ITPR1: variants seen among roughly 807,000 people sequenced by gnomAD.
The protein encoded by ITPR1 is inositol 1,4,5-trisphosphate-gated calcium channel ITPR1.
In ITPR1, 96 loss-of-function variants were observed where a neutral mutation model predicts 318.4. The ratio of observed to expected loss-of-function variants is 0.30; its 90% CI spans 0.26 to 0.36. The LOEUF is 0.36. ITPR1 is among the 10% of genes least tolerant of loss of function. ITPR1 has a pLI of 1.00. For missense variants in ITPR1, 2,440 were observed against 3,460.2 expected, an observed-to-expected ratio of 0.71 and a Z score of 7.40; for synonymous variants, 1,312 against 1,289.9, an observed-to-expected ratio of 1.02 and a Z score of -0.37.
intron 47 of ITPR1, 128 bp downstream of exon 47, chr3:4,775,570 C>G: frequency 3.0e-6 from 2 of 676,142 alleles, no homozygotes; most frequent in Non-Finnish European, 5.1e-6. Context: ...AGGAGGCTGT[C>G]TTCCAGCAGT....
chr3:4,730,636 T>C (rs2042862924), intron 42 of ITPR1, among the ~76,000 whole-genome samples: 1 of 152,060 alleles, frequency 6.6e-6, no homozygotes, highest in Non-Finnish European at 1.5e-5. Context: ...TACCTCCTGC[T>C]TGCTTGATTG....
At chr3:4,607,720 T>C (rs1433142088) in intron 4 of ITPR1, among the ~76,000 whole-genome samples, 2 of 152,030 alleles carry the variant, frequency 1.3e-5, no homozygotes, top group Admixed American at 6.6e-5. Context: ...AATGGTCCTC[T>C]GGTGCGCTGA....
intron 37 of ITPR1, among the ~76,000 whole-genome samples, chr3:4,708,917 A>G (rs190959655): frequency 5.6e-4 from 85 of 152,362 alleles, no homozygotes; most frequent in Middle Eastern, 3.4e-3. Context: ...TTGCTTTGCC[A>G]TCTTTGTTGA....
chr3:4,608,101 T>A, intron 4 of ITPR1, among the ~76,000 whole-genome samples: 1 of 152,138 alleles, frequency 6.6e-6, no homozygotes, highest in East Asian at 1.9e-4. Flanking sequence ...GTTTGAAGGT[T>A]AACGGGAAGA....
intron 4 of ITPR1, among the ~76,000 whole-genome samples, chr3:4,613,402 C>A (rs1467791665): frequency 3.9e-5 from 6 of 152,106 alleles, no homozygotes; most frequent in African/African-American, 1.4e-4. Flanking sequence ...TTGACTTTTC[C>A]CTTTAGCTTA....
At chr3:4,682,579 G>A (rs990945320) in intron 26 of ITPR1, among the ~76,000 whole-genome samples, 6 of 152,174 alleles carry the variant, frequency 3.9e-5, no homozygotes. Flanking sequence ...TATGATGGAA[G>A]ATGTTTTTCT....
intron 4 of ITPR1, among the ~76,000 whole-genome samples, chr3:4,563,262 C>T (rs2086865526): frequency 6.6e-6 from 1 of 152,120 alleles, no homozygotes; most frequent in Middle Eastern, 3.2e-3. Flanking sequence ...AATCCCAGCA[C>T]TTCAAAAGGC....
chr3:4,622,327 A>C (rs1417620876), intron 4 of ITPR1, among the ~76,000 whole-genome samples: 24 of 149,146 alleles, frequency 1.6e-4, no homozygotes, highest in East Asian at 6.0e-4. Context: ...GTTGGCCAGG[A>C]TGGTCTCGAT....
chr3:4,838,398 G>T (rs1014560517), intron 61 of ITPR1, among the ~76,000 whole-genome samples: 1 of 151,798 alleles, frequency 6.6e-6, no homozygotes, highest in Non-Finnish European at 1.5e-5. Context: ...GACATTGGTG[G>T]CTACAGCTGC....
At chr3:4,732,542 C>G (rs2042998851) in intron 42 of ITPR1, among the ~76,000 whole-genome samples, 1 of 152,082 alleles carries the variant, frequency 6.6e-6, no homozygotes, top group Admixed American at 6.5e-5. Flanking sequence ...TTTCCTATAG[C>G]ATTATGAGGT....
At chr3:4,731,912 A>G (rs1257616970) in intron 42 of ITPR1, among the ~76,000 whole-genome samples, 1 of 152,238 alleles carries the variant, frequency 6.6e-6, no homozygotes, top group African/African-American at 2.4e-5. Flanking sequence ...TCTCTTCAAA[A>G]GAACTCTGGA....
At chr3:4,547,185 ATAAACT>A (rs2085107349) in intron 4 of ITPR1, among the ~76,000 whole-genome samples, 1 of 152,228 alleles carries the variant, frequency 6.6e-6, no homozygotes, top group South Asian at 2.1e-4. Context: ...CACGTCCCTG[ATAAACT>A]TTAATTTCTC....
chr3:4,661,146 CT>C, intron 14 of ITPR1, 59 bp downstream of exon 14: 1 of 968,474 alleles, frequency 1.0e-6, no homozygotes, highest in African/African-American at 1.6e-5. Context: ...GAAAGGGCTC[CT>C]TTGAGGACAG....
chr3:4,644,293 G>A, intron 8 of ITPR1, 59 bp downstream of exon 8: 1 of 1,174,240 alleles, frequency 8.5e-7, no homozygotes, highest in Non-Finnish European at 1.2e-6. Flanking sequence ...GGTCTGGCAG[G>A]CGCCAGTGCA....
chr3:4,602,473 A>G (rs2125084619), intron 4 of ITPR1, among the ~76,000 whole-genome samples: 1 of 147,696 alleles, frequency 6.8e-6, no homozygotes, highest in African/African-American at 2.5e-5. Flanking sequence ...GGCTGCAGTG[A>G]GCTGACATTG....
At chr3:4,823,229 A>G (rs1486830396) in intron 60 of ITPR1, among the ~76,000 whole-genome samples, 1 of 152,204 alleles carries the variant, frequency 6.6e-6, no homozygotes, top group African/African-American at 2.4e-5. Context: ...CAGTTAAAAG[A>G]CCAAATATTT....
intron 5 of ITPR1, among the ~76,000 whole-genome samples, chr3:4,634,739 G>A (rs2093127517): frequency 6.6e-6 from 1 of 152,078 alleles, no homozygotes; most frequent in Non-Finnish European, 1.5e-5. Context: ...ACATTTTAAA[G>A]TATCAACAGG....
intron 24 of ITPR1, among the ~76,000 whole-genome samples, chr3:4,679,471 C>A (rs1360262291): frequency 1.3e-5 from 2 of 152,146 alleles, no homozygotes; most frequent in Admixed American, 1.3e-4. Context: ...AGCCGGAGAA[C>A]CTGGAGCTCT....
intron 44 of ITPR1, among the ~76,000 whole-genome samples, chr3:4,741,418 A>C (rs2043693545): frequency 6.6e-6 from 1 of 152,130 alleles, no homozygotes; most frequent in Non-Finnish European, 1.5e-5. Context: ...CACACCCGAA[A>C]AGGGTTTTCT....
Sources: gnomAD v4.1 joint callset for allele counts (sites outside exome capture counted in the v4.1 genomes callset) on GRCh38, gnomAD v4.1.1 for gene constraint, MANE v1.5 for transcripts, NCBI Gene and HGNC (gene_info 2026-07-23, HGNC 2026-07-21) for gene names.